Variants in FSHR observed in about 807,000 individuals in gnomAD.
FSHR encodes follicle stimulating hormone receptor, also known as follicle-stimulating hormone receptor.
FSHR carries 46 observed loss-of-function variants against 52.1 expected under a neutral mutation model. The observed-to-expected ratio is 0.88, with a 90% confidence interval of 0.70 to 1.13. The LOEUF (loss-of-function observed/expected upper bound fraction) is 1.13. FSHR is among the 50% of genes most tolerant of loss of function. The pLI, the probability that FSHR is intolerant of heterozygous loss-of-function variation, is 0.00. For synonymous variants in FSHR, 399 were observed against 309.6 expected, an observed-to-expected ratio of 1.29 and a Z score of -3.03; for missense variants, 964 against 834.6, an observed-to-expected ratio of 1.16 and a Z score of -1.91.
chr2:49,012,316 A>G (rs540990293), intron 4 of FSHR, among the ~76,000 whole-genome samples: 23 of 152,250 alleles, frequency 1.5e-4, no homozygotes, highest in African/African-American at 5.3e-4. Context: ...AGAAAGAAAT[A>G]TTGCCTGTAA....
intron 1 of FSHR, among the ~76,000 whole-genome samples, chr2:49,081,282 A>G (rs1233528248): frequency 6.6e-6 from 1 of 152,272 alleles, no homozygotes; most frequent in South Asian, 2.1e-4. Context: ...GAGATGATCA[A>G]CACCAAAATC....
intron 2 of FSHR, among the ~76,000 whole-genome samples, chr2:49,035,952 A>G (rs568023240): frequency 6.6e-6 from 1 of 152,380 alleles, no homozygotes; most frequent in Admixed American, 6.5e-5. Flanking sequence ...CAACATCATT[A>G]GCAAGTTTAA....
At chr2:49,087,457 A>G (rs1670442771) in intron 1 of FSHR, among the ~76,000 whole-genome samples, 1 of 152,204 alleles carries the variant, frequency 6.6e-6, no homozygotes, top group Non-Finnish European at 1.5e-5. Flanking sequence ...GTTCCTATTC[A>G]TATGTCTGAC....
chr2:49,112,712 G>A (rs1671464785), intron 1 of FSHR, among the ~76,000 whole-genome samples: 1 of 152,110 alleles, frequency 6.6e-6, no homozygotes, highest in Non-Finnish European at 1.5e-5. Context: ...TTATTTTGGA[G>A]AGAAAAATTT....
rs71407539 is a variant in FSHR at position 49,008,794 on chromosome 2, T to C, written c.374+8695A>G. 6.2e-3 allele frequency among the ~76,000 whole-genome samples: 909 copies of C among 146,340 alleles called. 2 individuals are homozygous for C. Among genetic ancestry groups the C allele is most frequent in the Non-Finnish European group, 0.01 (679 of 66,534 alleles). On this transcript the variant is annotated intron_variant, in intron 4 of 9. Transcript: ENST00000406846. ...GATGGCCAGTGATGATGAGCATTTTTTCATGTGTTTTTTGGCTGCATAAAT... is the reference window on the plus strand; with the variant it reads ...GATGGCCAGTGATGATGAGCATTTTCTCATGTGTTTTTTGGCTGCATAAAT...
chr2:49,037,485 AG>A (rs1442364994), intron 2 of FSHR, among the ~76,000 whole-genome samples: 1 of 152,232 alleles, frequency 6.6e-6, no homozygotes, highest in Non-Finnish European at 1.5e-5. Context: ...TCAATAAGTG[AG>A]GATTTTTAAG....
chr2:49,015,902 C>G (rs139572086), intron 4 of FSHR, among the ~76,000 whole-genome samples: 127 of 152,302 alleles, frequency 8.3e-4, no homozygotes, highest in Non-Finnish European at 1.2e-3. Context: ...AGCACAAAGC[C>G]CTATACAACT....
intron 1 of FSHR, among the ~76,000 whole-genome samples, chr2:49,120,188 C>T (rs982450946): frequency 3.9e-5 from 6 of 152,180 alleles, no homozygotes; most frequent in Non-Finnish European, 5.9e-5. Context: ...GGAGAATCGC[C>T]GGGGCCAGAG....
chr2:48,998,323 T>C (rs1400802050), intron 4 of FSHR, among the ~76,000 whole-genome samples: 1 of 152,080 alleles, frequency 6.6e-6, no homozygotes, highest in African/African-American at 2.4e-5. Flanking sequence ...GGATAAAGCA[T>C]TGGGAAACAT....
intron 1 of FSHR, among the ~76,000 whole-genome samples, chr2:49,074,650 A>G (rs1669879697): frequency 1.3e-5 from 2 of 152,234 alleles, no homozygotes; most frequent in African/African-American, 2.4e-5. Context: ...CTATCATATG[A>G]TCCAGCAATC....
chr2:49,106,799 T>C (rs1276300976), intron 1 of FSHR, among the ~76,000 whole-genome samples: 1 of 152,112 alleles, frequency 6.6e-6, no homozygotes, highest in African/African-American at 2.4e-5. Flanking sequence ...CTAACCCCTG[T>C]ACCGCTTCAC....
At chr2:49,048,964 G>A (rs1299782090) in intron 2 of FSHR, among the ~76,000 whole-genome samples, 1 of 152,060 alleles carries the variant, frequency 6.6e-6, no homozygotes, top group Non-Finnish European at 1.5e-5. Context: ...GATGGATGTG[G>A]TTGTGATGGG....
intron 2 of FSHR, among the ~76,000 whole-genome samples, chr2:49,025,932 T>C (rs193276571): frequency 1.8e-4 from 27 of 152,302 alleles, no homozygotes; most frequent in African/African-American, 6.3e-4. Flanking sequence ...CTAAAAAGCA[T>C]GCTTTTCCCT....
intron 8 of FSHR, among the ~76,000 whole-genome samples, chr2:48,979,829 G>T (rs1372492870): frequency 6.6e-6 from 1 of 152,144 alleles, no homozygotes; most frequent in Non-Finnish European, 1.5e-5. Context: ...GTGTGTGTGT[G>T]TGGGAGCGGG....
chr2:49,104,292 TC>T (rs1480128681), intron 1 of FSHR, among the ~76,000 whole-genome samples: 1 of 152,156 alleles, frequency 6.6e-6, no homozygotes, highest in Non-Finnish European at 1.5e-5. Context: ...CATTGCCACT[TC>T]CTCAGCACAG....
intron 9 of FSHR, among the ~76,000 whole-genome samples, chr2:48,965,326 G>T (rs1278954171): frequency 6.6e-6 from 1 of 152,128 alleles, no homozygotes; most frequent in African/African-American, 2.4e-5. Context: ...GAAGTGAATT[G>T]AATTGCCAGG....
intron 1 of FSHR, among the ~76,000 whole-genome samples, chr2:49,149,797 A>G (rs1473401865): frequency 6.6e-6 from 1 of 152,098 alleles, no homozygotes; most frequent in Non-Finnish European, 1.5e-5. Flanking sequence ...AAAAAGAGGA[A>G]AAGATAATTT....
chr2:49,116,010 T>C (rs764883936), intron 1 of FSHR, among the ~76,000 whole-genome samples: 1 of 152,080 alleles, frequency 6.6e-6, no homozygotes, highest in Non-Finnish European at 1.5e-5. Context: ...GAATGAAACA[T>C]GTCATCAGGG....
rs745593936 is a variant in FSHR, at chr2:48,963,362, C to T, written c.1459G>A (p.Ala487Thr). The change falls in exon 10 of 10, where the codon GCC becomes ACC. Residue 487 changes from alanine to threonine, a missense_variant. Ala to Thr is a moderately conservative substitution (Grantham distance 58, BLOSUM62 0). Transcript: ENST00000406846. ...LDCKVQLRHA[A>T]SVMVMGWIFA... ...ATCCAGCCCATCACCATGACACTGG[C>T]AGCATGGCGGAGCTGCACCTTGCAG... 5.0e-6 allele frequency: 8 copies of T among 1,613,944 alleles called. No individual in the cohort carries two copies. Among genetic ancestry groups the T allele is most frequent in the South Asian group, 2.2e-5 (2 of 91,074 alleles).
Sources: allele counts gnomAD v4.1 joint callset (sites outside exome capture counted in the v4.1 genomes callset), GRCh38; gene constraint gnomAD v4.1.1; transcripts MANE v1.5; gene names NCBI Gene and HGNC (gene_info 2026-07-23, HGNC 2026-07-21).